CPT1C: variants seen among roughly 807,000 people sequenced by gnomAD.
CPT1C encodes the protein carnitine palmitoyltransferase 1C.
CPT1C carries 61 observed loss-of-function variants against 97.3 expected under a neutral mutation model. The observed-to-expected ratio is 0.63, with a 90% CI of 0.51 to 0.78. CPT1C has a LOEUF of 0.78. CPT1C is among the 30% of genes least tolerant of loss of function. The pLI is 0.00. For missense variants in CPT1C, 975 were observed against 1,065.5 expected (o/e 0.92, Z 1.18); for synonymous variants, 469 against 447.2 (o/e 1.05, Z -0.61).
chr19:49,710,975 G>GA, intron 16 of CPT1C, 118 bp downstream of exon 16: 2 of 1,085,814 alleles, frequency 1.8e-6, no homozygotes, highest in Non-Finnish European at 2.6e-6. Flanking sequence ...GACAAGGGAT[G>GA]AATCGGACCT....
At chr19:49,703,785 C>T (rs1000231962) in intron 7 of CPT1C, among the ~76,000 whole-genome samples, 1 of 151,692 alleles carries the variant, frequency 6.6e-6, no homozygotes, top group South Asian at 2.1e-4. Context: ...GGCATGTGCC[C>T]CTAAGCCTGG....
chr19:49,709,870 C>T lies in CPT1C; in HGVS notation c.1567-450C>T, dbSNP rs144995314. The stretch of plus-strand genomic sequence containing the variant: ...CGCGCCCGGCATTTTTTTTTTGAGA[C>T]GGAGTCTTGCTCTGTACCCAGGCTG... On this transcript the variant is annotated intron_variant, in intron 14 of 19. Transcript: ENST00000598293. Among the ~76,000 whole-genome samples, 1,073 of 136,094 alleles carry T rather than the reference C, an allele frequency of 7.9e-3. 10 individuals are homozygous for T. The highest frequency in any genetic ancestry group is 0.019 in the Middle Eastern group (3 of 156). 89.3% of individuals were successfully genotyped at this position (136,094 alleles called of 152,430 possible). A position where few individuals can be genotyped will look rare whatever the true frequency, so the allele number is the denominator to read the frequency against.
At chr19:49,698,960 G>A (rs560753009) in intron 4 of CPT1C, among the ~76,000 whole-genome samples, 6 of 152,056 alleles carry the variant, frequency 3.9e-5, no homozygotes, top group African/African-American at 9.7e-5. Flanking sequence ...AAAATTAGCC[G>A]AGTGTGGTGG....
chr19:49,704,577 G>A lies in CPT1C; in HGVS notation c.694-133G>A, dbSNP rs1388736850. Reference sequence around the variant, plus strand: ...GATTTCTAGGTGATCGCTAGTTACTGACTACGATGGCTGACTTCTTTGGCT... The same window carrying A: ...GATTTCTAGGTGATCGCTAGTTACTAACTACGATGGCTGACTTCTTTGGCT... On this transcript the variant is annotated intron_variant, in intron 7 of 19. Coordinates refer to ENST00000598293, the MANE Select transcript of CPT1C (RefSeq NM_001199753.2). The A allele has an allele frequency of 1.0e-5, 7 of 682,644 alleles. No homozygotes were observed. The Admixed American group carries it at 1.4e-4, about 13-fold the overall frequency. The allele number at this position is 682,644 out of a possible 1,614,324, so 42.3% of individuals were successfully genotyped here. A position where few individuals can be genotyped will look rare whatever the true frequency, so the allele number is the denominator to read the frequency against.
At chr19:49,698,644 CAG>C (rs1322799713) in intron 4 of CPT1C, among the ~76,000 whole-genome samples, 3 of 149,032 alleles carry the variant, frequency 2.0e-5, no homozygotes, top group African/African-American at 7.4e-5. Context: ...GCCTTGGTGA[CAG>C]AGCGAGACTC....
At chr19:49,698,692 C>CGTCTCTA (rs954623256) in intron 4 of CPT1C, among the ~76,000 whole-genome samples, 14 of 151,864 alleles carry the variant, frequency 9.2e-5, no homozygotes, top group Admixed American at 6.6e-4. Flanking sequence ...GAGCTTTGCC[C>CGTCTCTA]GTCTCTAGTC....
At chr19:49,708,353 C>T (rs148053530) in intron 13 of CPT1C, among the ~76,000 whole-genome samples, 1 of 151,718 alleles carries the variant, frequency 6.6e-6, no homozygotes, top group Non-Finnish European at 1.5e-5. Context: ...AAAAACAAAA[C>T]CAGCCAGTCA....
In CPT1C at chr19:49,707,241, C is replaced by T. The variant is rs140007644; in HGVS notation, c.1344-277C>T. Among the ~76,000 whole-genome samples the T allele has an allele frequency of 5.7e-3, 866 of 152,074 alleles. 5 individuals are homozygous for T. Among genetic ancestry groups the T allele is most frequent in the Non-Finnish European group, 7.8e-3 (527 of 67,980 alleles). ...CGGAGGTTGCAGTGAGCCGAGATCGCGCCACTGCACTCCAGCCTGGGCGAC... is the reference window on the plus strand; with the variant it reads ...CGGAGGTTGCAGTGAGCCGAGATCGTGCCACTGCACTCCAGCCTGGGCGAC... On this transcript the variant is annotated intron_variant, in intron 12 of 19. Transcript: ENST00000598293.
rs770712989 is a variant in CPT1C at position 49,710,787 on chromosome 19, C to T, written c.1796C>T (p.Thr599Met). The T allele has an allele frequency of 1.7e-5, 28 of 1,613,958 alleles. No homozygotes were observed. The highest frequency in any genetic ancestry group is 1.6e-4 in the Middle Eastern group (1 of 6,084). Residue 599 changes from threonine (T) to methionine (M), a missense_variant, in exon 16 of 20, where the codon ACG becomes ATG. Coordinates refer to ENST00000598293, the MANE Select transcript of CPT1C (RefSeq NM_001199753.2). ...ACTCGCTTATTCCTGGAAGGCCGGA[C>T]GGAGACGGTGCGGTCTTGCACGAGG... The part of the protein sequence containing the change: ...AMTRLFLEGR[T>M]ETVRSCTREA...
chr19:49,697,120 A>G (rs534606301), intron 3 of CPT1C, among the ~76,000 whole-genome samples: 1 of 152,182 alleles, frequency 6.6e-6, no homozygotes, highest in South Asian at 2.1e-4. Flanking sequence ...GGCTCCTCCT[A>G]TTTCTTGCCC....
At chr19:49,693,566 A>C (rs1294118927) in intron 3 of CPT1C, among the ~76,000 whole-genome samples, 1 of 152,092 alleles carries the variant, frequency 6.6e-6, no homozygotes, top group Admixed American at 6.6e-5. Flanking sequence ...TTCACCATAT[A>C]TTTATGGGGC....
chr19:49,712,775 C>T lies in CPT1C; in HGVS notation c.2059C>T (p.Pro687Ser). The T allele has an allele frequency of 5.6e-6, 9 of 1,614,056 alleles. No homozygotes were observed. The highest frequency in any genetic ancestry group is 6.8e-6 in the Non-Finnish European group (8 of 1,179,978). ...EQWQLSTSQI[P>S]VQQMHLFDVH... is the part of the protein sequence containing the mutation. The stretch of plus-strand genomic sequence containing the variant: ...GTGGCAGCTGTCCACCAGCCAGATC[C>T]CTGTTCAGCAAATGCATCTGTTTGA... The change falls in exon 18 of 20, where the codon CCT becomes TCT. Residue 687 changes from proline to serine, a missense_variant. Pro to Ser is a moderately conservative substitution (Grantham distance 74). Coordinates refer to ENST00000598293, the MANE Select transcript of CPT1C (RefSeq NM_001199753.2).
intron 7 of CPT1C, among the ~76,000 whole-genome samples, chr19:49,703,780 G>C (rs1221705376): frequency 6.6e-6 from 1 of 151,784 alleles, no homozygotes; most frequent in Non-Finnish European, 1.5e-5. Flanking sequence ...CTACAGGCAT[G>C]TGCCCCTAAG....
chr19:49,707,572 C>T lies in CPT1C; in HGVS notation c.1398C>T (p.Leu466=). The T allele has an allele frequency of 6.2e-7, 1 of 1,613,990 alleles. No individual in the cohort carries two copies. Among genetic ancestry groups the T allele is most frequent in the Non-Finnish European group, 8.5e-7 (1 of 1,179,934 alleles). ...TCTTCTCTAACGGGAAGCTGGGCCTCAGCGTGGAGCACTCCTGGGCCGACT... is the reference window on the plus strand; with the variant it reads ...TCTTCTCTAACGGGAAGCTGGGCCTTAGCGTGGAGCACTCCTGGGCCGACT... The part of the protein sequence containing the change: ...LIVFSNGKLG[L]SVEHSWADCP... Residue 466 remains leucine (L), a synonymous_variant, in exon 13 of 20, where the codon CTC becomes CTT. Transcript: ENST00000598293.
At chr19:49,710,951 C>T (rs1045693384) in intron 16 of CPT1C, 94 bp downstream of exon 16, 39 of 1,360,742 alleles carry the variant, frequency 2.9e-5, no homozygotes, top group South Asian at 1.1e-4. Context: ...CCAGCCTCCA[C>T]GAGGAGCACA....
intron 13 of CPT1C, 66 bp from the exon 14 acceptor site, chr19:49,708,657 G>A (rs1252783619): frequency 1.2e-5 from 14 of 1,172,362 alleles, no homozygotes; most frequent in Non-Finnish European, 1.8e-5. Context: ...ATGAAAAGAG[G>A]TCCCGGGTTA....
rs1232688183 is a variant in CPT1C at position 49,710,758 on chromosome 19, C to T, written c.1767C>T (p.Ala589=). ...AATTCTGCCTGACTTATGAGTCGGC[C>T]ATGACTCGCTTATTCCTGGAAGGCC... ...RGQFCLTYES[A]MTRLFLEGRT... is the part of the protein sequence containing the mutation. The change falls in exon 16 of 20, where the codon GCC becomes GCT. Residue 589 remains alanine, a synonymous_variant. Coordinates refer to ENST00000598293, the MANE Select transcript of CPT1C (RefSeq NM_001199753.2). 1 of 1,614,002 alleles carries T rather than the reference C, an allele frequency of 6.2e-7. No individual in the cohort carries two copies. The highest frequency in any genetic ancestry group is 2.2e-5 in the East Asian group (1 of 44,874).
In CPT1C at chr19:49,704,063, A is replaced by G. The variant is rs1054552949; in HGVS notation, c.694-647A>G. ...CACAGTGCTTTCTTTTGTGTTTTTC[A>G]TTGTTTGAATTTTATCATGGTATTG... is the stretch of plus-strand genomic sequence containing the variant. On this transcript the variant is annotated intron_variant, in intron 7 of 19. Coordinates refer to ENST00000598293, the MANE Select transcript of CPT1C (RefSeq NM_001199753.2). 3.9e-5 allele frequency among the ~76,000 whole-genome samples: 6 copies of G among 152,306 alleles called. No homozygotes were observed. In the South Asian group the frequency reaches 1.0e-3, roughly 26 times the overall value.
chr19:49,706,394 G>A lies in CPT1C; in HGVS notation c.1324G>A (p.Ala442Thr). 1 of 1,493,938 alleles carries A rather than the reference G, an allele frequency of 6.7e-7. No individual in the cohort carries two copies. Among genetic ancestry groups the A allele is most frequent in the Admixed American group, 2.7e-5 (1 of 36,876 alleles). 92.5% of individuals were successfully genotyped at this position (1,493,938 alleles called of 1,614,324 possible). Residue 442 changes from alanine to threonine, a missense_variant, in exon 12 of 20, where the codon GCC becomes ACC. Physicochemically the swap from Ala to Thr is moderately conservative, Grantham distance 58. This residue lies in a region of CPT1C where 596 missense variants were observed against 603.1 expected (regional missense o/e 0.99). Coordinates refer to ENST00000598293, the MANE Select transcript of CPT1C (RefSeq NM_001199753.2). This position sits in a 1 kb window ranked among gnomAD's most constrained non-coding sequence, Gnocchi z 4.8. ...SLDAYAHALL[A>T]GRGHDRWFDK... ...GGATGCCTACGCCCATGCTCTGCTG[G>A]CCGGCCGGGGCCATGATCGGTGAGT...
Sources: allele counts gnomAD v4.1 joint callset (sites outside exome capture counted in the v4.1 genomes callset), GRCh38; gene constraint gnomAD v4.1.1; regional missense constraint gnomAD v4.1.1; non-coding constraint Gnocchi (gnomAD v3.1); transcripts MANE v1.5; gene names NCBI Gene and HGNC (gene_info 2026-07-23, HGNC 2026-07-21).